Variants in UVRAG observed in about 807,000 individuals in gnomAD.
UVRAG encodes UV radiation resistance-associated gene protein.
A neutral mutation model predicts 78.0 loss-of-function variants in UVRAG; 19 were observed. The observed-to-expected ratio is 0.24, with a 90% CI of 0.17 to 0.36. The LOEUF is 0.36. Ranked by LOEUF, UVRAG falls within the 10% of genes least tolerant of loss-of-function variation. The pLI is 1.00. For synonymous variants in UVRAG, 323 were observed against 324.6 expected (o/e 1.00, Z 0.05); for missense variants, 740 against 853.8 (o/e 0.87, Z 1.66).
intron 12 of UVRAG, among the ~76,000 whole-genome samples, chr11:76,026,286 C>A (rs773473900): frequency 2.0e-5 from 3 of 152,062 alleles, no homozygotes; most frequent in African/African-American, 7.2e-5. Context: ...AATTCTGACT[C>A]CTCATTTCTA....
intron 1 of UVRAG, among the ~76,000 whole-genome samples, chr11:75,836,532 T>G (rs1945779598): frequency 6.6e-6 from 1 of 152,164 alleles, no homozygotes; most frequent in Admixed American, 6.5e-5. Context: ...CTCACCCCCA[T>G]TTCTTATTGG....
At chr11:75,979,080 G>C (rs992258483) in intron 7 of UVRAG, among the ~76,000 whole-genome samples, 1 of 152,152 alleles carries the variant, frequency 6.6e-6, no homozygotes, top group Non-Finnish European at 1.5e-5. Flanking sequence ...CTGTTTGTTA[G>C]TTTTCCTTCT....
chr11:76,048,656 C>G (rs1950807750), intron 12 of UVRAG, among the ~76,000 whole-genome samples: 1 of 152,166 alleles, frequency 6.6e-6, no homozygotes, highest in South Asian at 2.1e-4. Flanking sequence ...GCAATTTTAT[C>G]ATTGAAATAT....
At chr11:76,061,890 C>CTA (rs1379749813) in intron 12 of UVRAG, among the ~76,000 whole-genome samples, 21 of 152,338 alleles carry the variant, frequency 1.4e-4, no homozygotes, top group Admixed American at 1.0e-3. Flanking sequence ...GGAGGAGATA[C>CTA]TATACCTCAT....
rs186535785 is a variant in UVRAG at position 75,822,822 on chromosome 11, C to T, written c.117+7298C>T. ...CATGTTCAGCAACCCAGAAACTCTC[C>T]AAAACCTGTAGTTCTGTGATTTGTA... On this transcript the variant is annotated intron_variant, in intron 1 of 14. Transcript: ENST00000356136. 2.5e-3 allele frequency among the ~76,000 whole-genome samples: 383 copies of T among 152,262 alleles called. 2 individuals are homozygous for T. Among genetic ancestry groups the T allele is most frequent in the Admixed American group, 4.4e-3 (68 of 15,298 alleles).
At chr11:75,878,117 G>A (rs1309486510) in intron 3 of UVRAG, among the ~76,000 whole-genome samples, 2 of 149,652 alleles carry the variant, frequency 1.3e-5, no homozygotes, top group African/African-American at 2.5e-5. Context: ...GGCGGTTGCC[G>A]GGCGGAGGGT....
chr11:75,928,713 G>A (rs1378200990), intron 6 of UVRAG, among the ~76,000 whole-genome samples: 1 of 152,054 alleles, frequency 6.6e-6, no homozygotes. Flanking sequence ...GCCCAGGTGG[G>A]CGGATCACGA....
At chr11:75,964,019 T>C (rs1265069198) in intron 7 of UVRAG, among the ~76,000 whole-genome samples, 2 of 152,202 alleles carry the variant, frequency 1.3e-5, no homozygotes, top group Non-Finnish European at 2.9e-5. Context: ...TGTATGTTTT[T>C]TCTCTTCTGG....
At chr11:75,816,794 G>C (rs554351359) in intron 1 of UVRAG, among the ~76,000 whole-genome samples, 9 of 152,356 alleles carry the variant, frequency 5.9e-5, no homozygotes, top group Non-Finnish European at 1.2e-4. Context: ...GATTCAGAAA[G>C]AGGAAGGGAG....
chr11:75,853,919 C>T (rs1946222444), intron 2 of UVRAG, among the ~76,000 whole-genome samples: 1 of 151,570 alleles, frequency 6.6e-6, no homozygotes. Context: ...ATTACAGGTG[C>T]CTGCCACCAC....
intron 6 of UVRAG, among the ~76,000 whole-genome samples, chr11:75,932,369 C>G (rs1948261524): frequency 6.6e-6 from 1 of 152,054 alleles, no homozygotes; most frequent in Non-Finnish European, 1.5e-5. Flanking sequence ...ACTGCAACCT[C>G]TGCCTCCCGA....
intron 14 of UVRAG, among the ~76,000 whole-genome samples, chr11:76,124,645 G>A (rs1480011973): frequency 6.6e-6 from 1 of 152,206 alleles, no homozygotes; most frequent in Non-Finnish European, 1.5e-5. Context: ...GTACTTTAGT[G>A]TTTAACAAAC....
intron 8 of UVRAG, among the ~76,000 whole-genome samples, chr11:75,995,712 A>G (rs1166165182): frequency 6.6e-6 from 1 of 152,080 alleles, no homozygotes; most frequent in Admixed American, 6.6e-5. Flanking sequence ...TAAGTCTTGC[A>G]TAACAATTTT....
rs539032123 is a variant in UVRAG at position 76,134,819 on chromosome 11, A to G, written c.1398-5892A>G. 2.6e-5 allele frequency among the ~76,000 whole-genome samples: 4 copies of G among 152,340 alleles called. No homozygotes were observed. In the South Asian group the frequency reaches 8.3e-4, roughly 32 times the overall value. ...ACTGTAGTCGATCTATTTTATAAAT[A>G]GTCATTAAATATGCCCACAGTCATA... On this transcript the variant is annotated intron_variant, in intron 14 of 14. Coordinates refer to ENST00000356136, the MANE Select transcript of UVRAG (RefSeq NM_003369.4).
chr11:76,009,678 TCTA>T (rs1950015478), intron 11 of UVRAG, among the ~76,000 whole-genome samples: 1 of 152,206 alleles, frequency 6.6e-6, no homozygotes, highest in Non-Finnish European at 1.5e-5. Flanking sequence ...TCATTTAACA[TCTA>T]AGAGTGTTTT....
At chr11:75,953,089 T>C (rs1015064482) in intron 6 of UVRAG, among the ~76,000 whole-genome samples, 7 of 152,182 alleles carry the variant, frequency 4.6e-5, no homozygotes, top group African/African-American at 1.7e-4. Context: ...GGATCTGTAG[T>C]GATGTCTTCT....
chr11:75,967,035 C>T (rs1444274338), intron 7 of UVRAG, among the ~76,000 whole-genome samples: 1 of 152,144 alleles, frequency 6.6e-6, no homozygotes, highest in Non-Finnish European at 1.5e-5. Flanking sequence ...AGTTTGCAGC[C>T]ACCCTCAGGG....
chr11:75,890,935 G>A (rs1001381506), intron 5 of UVRAG, among the ~76,000 whole-genome samples: 1 of 152,104 alleles, frequency 6.6e-6, no homozygotes, highest in South Asian at 2.1e-4. Context: ...TGTTGTTGTT[G>A]TTGTTGTTAT....
Position 75,880,892 on chromosome 11 carries a change from CATA to C in UVRAG, c.432+856_432+858del, listed in dbSNP as rs1946929083. The stretch of plus-strand genomic sequence containing the variant: ...TTTTAACTGGGCTCAAAAGTAGCTC[CATA>C]ATATTTTCTTTCTTCCTTTCTTTTA... On this transcript the variant is annotated intron_variant, in intron 4 of 14. Transcript: ENST00000356136. Among the ~76,000 whole-genome samples, 24 of 149,678 alleles carry C rather than the reference CATA, an allele frequency of 1.6e-4. No individual in the cohort carries two copies. In the South Asian group the frequency reaches 5.1e-3, roughly 32 times the overall value.
Sources: gnomAD v4.1 joint callset for allele counts (sites outside exome capture counted in the v4.1 genomes callset) on GRCh38, gnomAD v4.1.1 for gene constraint, MANE v1.5 for transcripts, NCBI Gene and HGNC (gene_info 2026-07-23, HGNC 2026-07-21) for gene names.